ELK1: variants seen among roughly 807,000 people sequenced by gnomAD.
ELK1 encodes the protein ETS domain-containing protein Elk-1.
For synonymous variants in ELK1, 163 were observed against 176.3 expected (o/e 0.92, Z 0.60); for missense variants, 254 against 381.5 (o/e 0.67, Z 2.78).
At position 47,638,144 on chromosome X, in the gene ELK1, C is replaced by A; in HGVS notation, c.693G>T (p.Ser231=). Residue 231 remains serine, a synonymous_variant, in exon 5 of 7, where the codon TCG becomes TCT. Coordinates refer to ENST00000376983, the MANE Select transcript of ELK1 (RefSeq NM_001114123.3). The part of the protein sequence containing the change: ...LTPPEAPNLK[S]EELNVEPGLG... Reference sequence around the variant, plus strand: ...AACCCGGCTCCACATTAAGCTCTTCCGATTTCAGGTTTGGGGCCTCGGGCG... The same window carrying A: ...AACCCGGCTCCACATTAAGCTCTTCAGATTTCAGGTTTGGGGCCTCGGGCG... 1 of 1,210,259 alleles carries A rather than the reference C, an allele frequency of 8.3e-7. No individual in the cohort carries two copies. Among genetic ancestry groups the A allele is most frequent in the Non-Finnish European group, 1.1e-6 (1 of 894,840 alleles).
intron 1 of ELK1, 93 bp from the exon 2 acceptor site, chrX:47,650,119 G>A (rs1308450900): frequency 4.1e-5 from 4 of 98,642 alleles, no homozygotes; most frequent in African/African-American, 1.5e-4. Flanking sequence ...TGGGTGGGGG[G>A]CGGGTGGGGG....
chrX:47,639,845 T>C (rs2058022857), intron 3 of ELK1, among the ~76,000 whole-genome samples: 1 of 112,604 alleles, frequency 8.9e-6, no homozygotes, highest in African/African-American at 3.2e-5. Flanking sequence ...GACTAGCAAA[T>C]GCAATAAGAC....
chrX:47,648,104 T>C (rs2058049157), intron 2 of ELK1, among the ~76,000 whole-genome samples: 1 of 110,198 alleles, frequency 9.1e-6, no homozygotes, highest in South Asian at 3.8e-4. Context: ...TTTAAGAGAG[T>C]GTATTACACA....
In ELK1 at chrX:47,639,485, T is replaced by G. The variant is rs2058021798; in HGVS notation, c.211-147A>C. 9.2e-6 allele frequency: 5 copies of G among 542,859 alleles called. No individual in the cohort carries two copies. The Admixed American group carries it at 1.1e-4, about 12-fold the overall frequency. The allele number at this position is 542,859 out of a possible 1,213,427, so 44.7% of individuals were successfully genotyped here. A position where few individuals can be genotyped will look rare whatever the true frequency, so the allele number is the denominator to read the frequency against. ...TGCTCCTCTCCGGCTTTCCCGTCCC[T>G]CCTCTGTAAGTTTCTCTCTCAGCCC... On this transcript the variant is annotated intron_variant, in intron 3 of 6. Transcript: ENST00000376983.
intron 3 of ELK1, 72 bp downstream of exon 3, chrX:47,641,160 C>A: frequency 9.0e-7 from 1 of 1,105,701 alleles, no homozygotes; most frequent in South Asian, 1.9e-5. Context: ...ATAGCTATGG[C>A]AATTAAAACA....
intron 2 of ELK1, among the ~76,000 whole-genome samples, chrX:47,645,291 C>T (rs920030269): frequency 9.0e-6 from 1 of 111,471 alleles, no homozygotes; most frequent in Admixed American, 9.5e-5. Flanking sequence ...GGGCTGCACA[C>T]TCTTTGAATC....
intron 5 of ELK1, 146 bp downstream of exon 5, chrX:47,637,605 C>T: frequency 1.3e-6 from 1 of 766,492 alleles, no homozygotes; most frequent in Admixed American, 3.8e-5. Flanking sequence ...CTCCAGCCAG[C>T]ATCAGCCCAG....
At position 47,650,552 on chromosome X, in the gene ELK1, G is replaced by T. The variant is rs973042769; in HGVS notation, c.-270C>A. The T allele has an allele frequency of 6.3e-6, 2 of 318,402 alleles. No homozygotes were observed. Among genetic ancestry groups the T allele is most frequent in the Non-Finnish European group, 1.2e-5 (2 of 168,884 alleles). The allele number at this position is 318,402 out of a possible 1,213,427, so 26.2% of individuals were successfully genotyped here. ...TGGAGGTGGTGGTGGCGGTGGCGGC[G>T]GCAGCACCTAGAAGCCGCCCCTGCG... On this transcript the variant is annotated 5_prime_UTR_variant, in exon 1 of 7. Coordinates refer to ENST00000376983, the MANE Select transcript of ELK1 (RefSeq NM_001114123.3).
At chrX:47,645,565 G>A in intron 2 of ELK1, among the ~76,000 whole-genome samples, 1 of 112,368 alleles carries the variant, frequency 8.9e-6, no homozygotes, top group Admixed American at 9.3e-5. Context: ...GGTGTACAAG[G>A]AGTTCTTCCC....
At chrX:47,643,794 G>A (rs963548975) in intron 2 of ELK1, among the ~76,000 whole-genome samples, 1 of 110,642 alleles carries the variant, frequency 9.0e-6, no homozygotes, top group Non-Finnish European at 1.9e-5. Context: ...ACTTATAAAT[G>A]AGGCAGCGGA....
In ELK1 at chrX:47,650,427, G is replaced by A; in HGVS notation, c.-145C>T. ...CCCTCCAGGCCCAGAGCTCACCTGT[G>A]TGTAGCGTGGCGGTGGCGTTGGCAA... On this transcript the variant is annotated 5_prime_UTR_variant, in exon 1 of 7. Transcript: ENST00000376983. The A allele has an allele frequency of 2.8e-6, 1 of 358,532 alleles. No homozygotes were observed. Among genetic ancestry groups the A allele is most frequent in the Non-Finnish European group, 5.4e-6 (1 of 184,005 alleles). 29.5% of individuals were successfully genotyped at this position (358,532 alleles called of 1,213,427 possible). A position where few individuals can be genotyped will look rare whatever the true frequency, so the allele number is the denominator to read the frequency against.
chrX:47,639,532 T>C (rs2058021936), intron 3 of ELK1, among the ~76,000 whole-genome samples, 194 bp from the exon 4 acceptor site: 1 of 111,540 alleles, frequency 9.0e-6, no homozygotes, highest in African/African-American at 3.3e-5. Context: ...CATTGGTTTC[T>C]ACCTCTTTCC....
chrX:47,637,671 T>C, intron 5 of ELK1, 80 bp downstream of exon 5: 1 of 1,081,229 alleles, frequency 9.2e-7, no homozygotes, highest in South Asian at 2.2e-5. Context: ...CACCCTCCTC[T>C]GATTCCTGTC....
At chrX:47,643,094 TTTC>T (rs2147943675) in intron 2 of ELK1, among the ~76,000 whole-genome samples, 1 of 111,563 alleles carries the variant, frequency 9.0e-6, no homozygotes, top group South Asian at 3.7e-4. Context: ...GCATATTCTT[TTTC>T]TTTTTTTAAG....
intron 2 of ELK1, among the ~76,000 whole-genome samples, chrX:47,646,997 C>T (rs943805122): frequency 9.0e-6 from 1 of 111,637 alleles, no homozygotes; most frequent in South Asian, 3.7e-4. Flanking sequence ...CCGTCTCTAC[C>T]GTGAGGCCCT....
At chrX:47,637,315 C>T (rs1440568058) in intron 5 of ELK1, among the ~76,000 whole-genome samples, 4 of 110,509 alleles carry the variant, frequency 3.6e-5, no homozygotes, top group South Asian at 3.9e-4. Context: ...TCCCCACTCC[C>T]GAGAGCCCAC....
At position 47,646,656 on chromosome X, in the gene ELK1, A is replaced by G. The variant is rs748030260; in HGVS notation, c.-35+3265T>C. On this transcript the variant is annotated intron_variant, in intron 2 of 6. Coordinates refer to ENST00000376983, the MANE Select transcript of ELK1 (RefSeq NM_001114123.3). The stretch of plus-strand genomic sequence containing the variant: ...CATGTATCTTTTTGTAGTGCATTCC[A>G]GGCACCACCGTGTGGTAAACATCCT... 1.8e-4 allele frequency among the ~76,000 whole-genome samples: 20 copies of G among 112,485 alleles called. 2 individuals carry two copies. In the South Asian group the frequency reaches 4.7e-3, roughly 27 times the overall value.
intron 2 of ELK1, 81 bp from the exon 3 acceptor site, chrX:47,641,556 C>T (rs1454694517): frequency 1.4e-6 from 1 of 720,940 alleles, no homozygotes; most frequent in African/African-American, 2.1e-5. Context: ...CTTTTTTTGT[C>T]ATCTTTTCTC....
In ELK1 at chrX:47,639,230, C is replaced by T. The variant is rs766352376; in HGVS notation, c.319G>A (p.Val107Ile). 2 of 1,210,389 alleles carry T rather than the reference C, an allele frequency of 1.7e-6. No individual in the cohort carries two copies. Among genetic ancestry groups the T allele is most frequent in the East Asian group, 3.0e-5 (1 of 33,798 alleles). Reference protein sequence around the residue: ...EDCPPQPEVSVTSTMPNVAPA... With the variant: ...EDCPPQPEVSITSTMPNVAPA... ...GCCACATTTGGCATGGTGGAGGTAA[C>T]AGACACCTCTGGCTGGGGCGGGCAG... Residue 107 changes from valine to isoleucine, a missense_variant, in exon 4 of 7, where the codon GTT (valine) becomes ATT (isoleucine). By Grantham distance (29) the Val-to-Ile change is conservative (BLOSUM62 3). Transcript: ENST00000376983.
Sources: allele counts gnomAD v4.1 joint callset (sites outside exome capture counted in the v4.1 genomes callset), GRCh38; gene constraint gnomAD v4.1.1; transcripts MANE v1.5; gene names NCBI Gene and HGNC (gene_info 2026-07-23, HGNC 2026-07-21).